The following NSMCE2 variants were observed in gnomAD, a reference collection of about 807,000 sequenced individuals.
The protein encoded by NSMCE2 is NSE2 SUMO ligase component of SMC5/6 complex.
A neutral mutation model predicts 23.8 loss-of-function variants in NSMCE2; 24 were observed. That is an observed-to-expected ratio of 1.01 (90% confidence interval 0.73 to 1.42). NSMCE2 has a LOEUF of 1.42. NSMCE2 is among the 40% of genes most tolerant of loss of function. NSMCE2 has a pLI of 0.00. For synonymous variants in NSMCE2, 92 were observed against 94.1 expected (o/e 0.98, Z 0.13); for missense variants, 284 against 296.5 (o/e 0.96, Z 0.31).
chr8:125,348,301 A>T (rs1384395282), intron 5 of NSMCE2: 1 of 152,190 alleles, frequency 6.6e-6, no homozygotes, highest in Non-Finnish European at 1.5e-5. Flanking sequence ...TGATTACATT[A>T]TATTAATTCA....
chr8:125,301,772 C>T (rs1828575145), intron 5 of NSMCE2, among the ~76,000 whole-genome samples: 1 of 151,588 alleles, frequency 6.6e-6, no homozygotes, highest in Non-Finnish European at 1.5e-5. Flanking sequence ...AAGCAATTCT[C>T]CTGCCGCAGC....
At chr8:125,257,032 G>A (rs773979131) in intron 5 of NSMCE2, among the ~76,000 whole-genome samples, 3 of 145,906 alleles carry the variant, frequency 2.1e-5, no homozygotes, top group South Asian at 2.3e-4. Flanking sequence ...GCCTGTAATC[G>A]CAGCGCTTTG....
intron 5 of NSMCE2, among the ~76,000 whole-genome samples, chr8:125,315,540 C>G (rs1189215632): frequency 6.6e-6 from 1 of 152,192 alleles, no homozygotes; most frequent in Non-Finnish European, 1.5e-5. Flanking sequence ...ATTCAACTAG[C>G]TAATTCATGA....
At chr8:125,122,038 G>T (rs1256604676) in intron 3 of NSMCE2, among the ~76,000 whole-genome samples, 1 of 152,002 alleles carries the variant, frequency 6.6e-6, no homozygotes, top group Admixed American at 6.6e-5. Flanking sequence ...ACCTAGGCCT[G>T]TGCTCAGTGT....
At chr8:125,322,021 TTTTG>T (rs1337365508) in intron 5 of NSMCE2, among the ~76,000 whole-genome samples, 1 of 152,236 alleles carries the variant, frequency 6.6e-6, no homozygotes, top group African/African-American at 2.4e-5. Flanking sequence ...ATCAATATTT[TTTTG>T]TTTATTTCAA....
At chr8:125,148,820 AG>A (rs1820822473) in intron 3 of NSMCE2, among the ~76,000 whole-genome samples, 1 of 152,254 alleles carries the variant, frequency 6.6e-6, no homozygotes, top group Non-Finnish European at 1.5e-5. Context: ...AATAAATTAC[AG>A]GTTAACTAAA....
At chr8:125,248,029 C>T (rs1826060491) in intron 5 of NSMCE2, among the ~76,000 whole-genome samples, 1 of 152,096 alleles carries the variant, frequency 6.6e-6, no homozygotes, top group Non-Finnish European at 1.5e-5. Context: ...GAAAAGTTGG[C>T]TCATTCAATA....
chr8:125,157,982 T>C (rs1821412727), intron 4 of NSMCE2, among the ~76,000 whole-genome samples: 1 of 152,218 alleles, frequency 6.6e-6, no homozygotes, highest in Non-Finnish European at 1.5e-5. Context: ...TTAATGTGCT[T>C]TTATGCAATG....
intron 5 of NSMCE2, among the ~76,000 whole-genome samples, chr8:125,233,164 C>T (rs1306659731): frequency 6.6e-6 from 1 of 152,148 alleles, no homozygotes; most frequent in Admixed American, 6.5e-5. Context: ...TCCAGCTAGG[C>T]AACATAGGTA....
At chr8:125,354,254 A>G (rs1322915706) in intron 5 of NSMCE2, among the ~76,000 whole-genome samples, 4 of 152,174 alleles carry the variant, frequency 2.6e-5, no homozygotes, top group African/African-American at 7.2e-5. Context: ...TTTTGAAAAA[A>G]TATTTGTATA....
At chr8:125,251,040 A>T (rs1038682724) in intron 5 of NSMCE2, among the ~76,000 whole-genome samples, 1 of 152,202 alleles carries the variant, frequency 6.6e-6, no homozygotes, top group Admixed American at 6.6e-5. Context: ...AGCAGCTGTT[A>T]AAAGTAGTTG....
intron 5 of NSMCE2, among the ~76,000 whole-genome samples, chr8:125,184,837 T>C (rs1421262588): frequency 6.6e-6 from 1 of 152,154 alleles, no homozygotes; most frequent in Non-Finnish European, 1.5e-5. Flanking sequence ...CACTATGATA[T>C]GTAAATGAGC....
intron 5 of NSMCE2, among the ~76,000 whole-genome samples, chr8:125,186,409 T>A (rs989595926): frequency 5.3e-5 from 8 of 152,244 alleles, no homozygotes; most frequent in African/African-American, 1.4e-4. Context: ...TTTAATTTTA[T>A]ATTTTTTCCC....
chr8:125,337,724 G>A (rs527676304), intron 5 of NSMCE2, among the ~76,000 whole-genome samples: 2 of 151,412 alleles, frequency 1.3e-5, no homozygotes, highest in African/African-American at 4.9e-5. Flanking sequence ...GAGAAACCCC[G>A]TCTCTACTAA....
At chr8:125,267,693 C>T (rs1826986971) in intron 5 of NSMCE2, among the ~76,000 whole-genome samples, 1 of 152,164 alleles carries the variant, frequency 6.6e-6, no homozygotes, top group African/African-American at 2.4e-5. Flanking sequence ...GGGAGGATAA[C>T]TTGAGCCCAG....
chr8:125,110,054 G>A (rs1387644313), intron 3 of NSMCE2, among the ~76,000 whole-genome samples: 1 of 152,012 alleles, frequency 6.6e-6, no homozygotes, highest in African/African-American at 2.4e-5. Context: ...GTTTTAGTAA[G>A]CGCTTTAGGT....
At chr8:125,308,439 T>C (rs1163388938) in intron 5 of NSMCE2, among the ~76,000 whole-genome samples, 1 of 152,196 alleles carries the variant, frequency 6.6e-6, no homozygotes, top group Non-Finnish European at 1.5e-5. Context: ...ACCTTTTCCA[T>C]GGTAGCATTT....
chr8:125,165,735 T>C (rs1030345555), intron 4 of NSMCE2, among the ~76,000 whole-genome samples: 2 of 152,246 alleles, frequency 1.3e-5, no homozygotes, highest in Non-Finnish European at 2.9e-5. Context: ...TTTATTGTTC[T>C]AATTTTTCTA....
chr8:125,359,904 C>T (rs1397493839), intron 7 of NSMCE2, among the ~76,000 whole-genome samples: 1 of 152,044 alleles, frequency 6.6e-6, no homozygotes, highest in Non-Finnish European at 1.5e-5. Flanking sequence ...TAGGAAGTTA[C>T]TCCAATAGCA....
Sources: allele counts gnomAD v4.1 joint callset (sites outside exome capture counted in the v4.1 genomes callset), GRCh38; gene constraint gnomAD v4.1.1; transcripts MANE v1.5; gene names NCBI Gene and HGNC (gene_info 2026-07-23, HGNC 2026-07-21).